Variants in BCAS3 observed in about 807,000 individuals in gnomAD.
BCAS3 encodes the protein BCAS4/BCAS3 fusion.
A neutral mutation model predicts 116.1 loss-of-function variants in BCAS3; 53 were observed. That is an observed-to-expected ratio of 0.46 (90% CI 0.37 to 0.57). BCAS3 has a LOEUF of 0.57. BCAS3 is among the 20% of genes least tolerant of loss of function. The pLI, the probability that BCAS3 is intolerant of heterozygous loss-of-function variation, is 0.00. For synonymous variants in BCAS3, 391 were observed against 408.2 expected, an observed-to-expected ratio of 0.96 and a Z score of 0.51; for missense variants, 917 against 1,165.4, an observed-to-expected ratio of 0.79 and a Z score of 3.10.
chr17:61,117,932 A>C (rs1255761720), intron 22 of BCAS3, among the ~76,000 whole-genome samples: 2 of 152,152 alleles, frequency 1.3e-5, no homozygotes, highest in Non-Finnish European at 2.9e-5. Context: ...CATGTTCATA[A>C]TTACTCATTG....
intron 11 of BCAS3, among the ~76,000 whole-genome samples, chr17:60,909,387 A>G (rs528414613): frequency 1.3e-5 from 2 of 152,326 alleles, no homozygotes; most frequent in East Asian, 1.9e-4. Context: ...TAGCCATAGC[A>G]TGTGCCAGAA....
chr17:60,835,187 T>G (rs2051266237), intron 7 of BCAS3, among the ~76,000 whole-genome samples: 1 of 151,978 alleles, frequency 6.6e-6, no homozygotes, highest in Non-Finnish European at 1.5e-5. Context: ...AATGAACAAT[T>G]TATTAATATT....
rs1386396511 is a variant in BCAS3 at position 61,211,993 on chromosome 17, A to T, written c.2425+127429A>T. On this transcript the variant is annotated intron_variant, in intron 22 of 23. Coordinates refer to ENST00000407086, the MANE Select transcript of BCAS3 (RefSeq NM_017679.5). This position sits in a 1 kb window ranked among gnomAD's most constrained non-coding sequence, Gnocchi z 4.4. ...TGAAGAGTCTGAATATTTTGTAAGG[A>T]TGTGAAGAGTTGCAAATAATCTTTT... is the stretch of plus-strand genomic sequence containing the variant. Among the ~76,000 whole-genome samples the T allele has an allele frequency of 2.0e-5, 3 of 152,220 alleles. No individual in the cohort carries two copies. The highest frequency in any genetic ancestry group is 4.4e-5 in the Non-Finnish European group (3 of 68,046).
chr17:60,820,524 T>G (rs1426803462), intron 7 of BCAS3, among the ~76,000 whole-genome samples: 1 of 152,172 alleles, frequency 6.6e-6, no homozygotes, highest in Non-Finnish European at 1.5e-5. Context: ...GGCAGTACAC[T>G]TCATTCTACA....
At chr17:60,681,049 A>G (rs2033009360) in intron 2 of BCAS3, among the ~76,000 whole-genome samples, 1 of 152,176 alleles carries the variant, frequency 6.6e-6, no homozygotes, top group South Asian at 2.1e-4. Context: ...TTAAAAAAAT[A>G]CAAAAATTAG....
At chr17:60,731,343 G>A (rs2040433500) in intron 5 of BCAS3, among the ~76,000 whole-genome samples, 1 of 152,144 alleles carries the variant, frequency 6.6e-6, no homozygotes, top group South Asian at 2.1e-4. Flanking sequence ...CTCTTAAGTA[G>A]CTGGGATTAC....
intron 22 of BCAS3, among the ~76,000 whole-genome samples, chr17:61,237,136 G>T (rs906195719): frequency 6.6e-6 from 1 of 152,162 alleles, no homozygotes; most frequent in African/African-American, 2.4e-5. Flanking sequence ...GTAGAGTGGG[G>T]ACTTGGAGAA....
At chr17:60,753,030 A>AG (rs369292697) in intron 6 of BCAS3, among the ~76,000 whole-genome samples, 1 of 58,204 alleles carries the variant, frequency 1.7e-5, no homozygotes, top group Non-Finnish European at 7.6e-5. Flanking sequence ...TTTTTTGTAG[A>AG]GTGAGGTCTT....
chr17:60,828,785 T>C (rs1203335669), intron 7 of BCAS3, among the ~76,000 whole-genome samples: 1 of 152,204 alleles, frequency 6.6e-6, no homozygotes, highest in Non-Finnish European at 1.5e-5. Flanking sequence ...AAGACATGTT[T>C]ATGGGTATCT....
intron 7 of BCAS3, among the ~76,000 whole-genome samples, chr17:60,819,722 C>T (rs575591875): frequency 6.6e-5 from 10 of 152,128 alleles, no homozygotes; most frequent in Admixed American, 2.6e-4. Context: ...CTCCCTTCCC[C>T]TCCCCTTCTC....
chr17:60,739,649 A>G (rs2041331770), intron 5 of BCAS3, among the ~76,000 whole-genome samples: 1 of 152,078 alleles, frequency 6.6e-6, no homozygotes, highest in Non-Finnish European at 1.5e-5. Context: ...AATAAGTTTT[A>G]TTTCACCTTC....
chr17:61,023,829 GA>G lies in BCAS3; in HGVS notation c.1637+7932del, dbSNP rs919241513. Reference sequence around the variant, plus strand: ...TCTTGACCAGATTTTCCTGAGATTTGAAAATCAGAATTCAGGTCAAAAAGGA... The same window carrying G: ...TCTTGACCAGATTTTCCTGAGATTTGAAATCAGAATTCAGGTCAAAAAGGA... On this transcript the variant is annotated intron_variant, in intron 16 of 23. Coordinates refer to ENST00000407086, the MANE Select transcript of BCAS3 (RefSeq NM_017679.5). This position sits in a 1 kb window ranked among gnomAD's most constrained non-coding sequence, Gnocchi z 4.8. Among the ~76,000 whole-genome samples, 5 of 152,052 alleles carry G rather than the reference GA, an allele frequency of 3.3e-5. No individual in the cohort carries two copies. The highest frequency in any genetic ancestry group is 1.2e-4 in the African/African-American group (5 of 41,404).
intron 5 of BCAS3, among the ~76,000 whole-genome samples, chr17:60,745,024 CT>C (rs1048239576): frequency 2.0e-5 from 3 of 150,948 alleles, no homozygotes; most frequent in Admixed American, 6.6e-5. Flanking sequence ...TTGTTTTATT[CT>C]TTTTTTTTGA....
At chr17:61,155,569 G>C (rs985834843) in intron 22 of BCAS3, among the ~76,000 whole-genome samples, 1 of 151,500 alleles carries the variant, frequency 6.6e-6, no homozygotes, top group East Asian at 1.9e-4. Context: ...CTCTAGGAGC[G>C]AACCTCTCTA....
At chr17:60,842,873 T>A (rs1028182238) in intron 7 of BCAS3, among the ~76,000 whole-genome samples, 5 of 151,692 alleles carry the variant, frequency 3.3e-5, no homozygotes, top group South Asian at 2.1e-4. Flanking sequence ...TTTTTTTTTT[T>A]TATATTTTTA....
intron 6 of BCAS3, among the ~76,000 whole-genome samples, chr17:60,804,648 AT>A (rs550840657): frequency 6.6e-6 from 1 of 151,368 alleles, no homozygotes; most frequent in African/African-American, 2.4e-5. Context: ...TTGTAACTTG[AT>A]TTTTTTTCAG....
At chr17:61,257,781 A>G (rs1343820767) in intron 22 of BCAS3, among the ~76,000 whole-genome samples, 1 of 152,214 alleles carries the variant, frequency 6.6e-6, no homozygotes, top group Non-Finnish European at 1.5e-5. Context: ...CTTCATCTAG[A>G]CAAATGTGAA....
chr17:61,025,463 A>C (rs956897776), intron 16 of BCAS3, among the ~76,000 whole-genome samples: 2 of 152,114 alleles, frequency 1.3e-5, no homozygotes, highest in Non-Finnish European at 2.9e-5. Flanking sequence ...TAATGTTTAT[A>C]AAACATTGAA....
At position 61,227,207 on chromosome 17, in the gene BCAS3, G is replaced by A. The variant is rs1304065803; in HGVS notation, c.2426-141120G>A. ...GAATGAGTTCCCACAGACTGTCCTA[G>A]AGGGGCCACAGACTGCTCTGAGAAG... On this transcript the variant is annotated intron_variant, in intron 22 of 23. Coordinates refer to ENST00000407086, the MANE Select transcript of BCAS3 (RefSeq NM_017679.5). The surrounding 1 kb of genome is among the most constrained non-coding windows in gnomAD (Gnocchi z 6.1). Among the ~76,000 whole-genome samples, 4 of 152,226 alleles carry A rather than the reference G, an allele frequency of 2.6e-5. No individual in the cohort carries two copies. Among genetic ancestry groups the A allele is most frequent in the African/African-American group, 9.7e-5 (4 of 41,450 alleles).
Sources: gnomAD v4.1 joint callset for allele counts (sites outside exome capture counted in the v4.1 genomes callset) on GRCh38, gnomAD v4.1.1 for gene constraint, Gnocchi (gnomAD v3.1) non-coding constraint, MANE v1.5 for transcripts, NCBI Gene and HGNC (gene_info 2026-07-23, HGNC 2026-07-21) for gene names.